The following CMIP variants were observed in gnomAD, a reference collection of about 807,000 sequenced individuals.
The protein encoded by CMIP is c-Maf inducing protein, also known as C-Maf-inducing protein.
A neutral mutation model predicts 97.3 loss-of-function variants in CMIP; 13 were observed. The observed-to-expected ratio is 0.13, with a 90% CI of 0.09 to 0.21. CMIP has a LOEUF of 0.21. CMIP is among the 10% of genes least tolerant of loss of function. The pLI is 1.00. For missense variants in CMIP, 847 were observed against 1,024.9 expected, an observed-to-expected ratio of 0.83 and a Z score of 2.37; for synonymous variants, 538 against 436.3, an observed-to-expected ratio of 1.23 and a Z score of -2.91.
At chr16:81,706,970 T>G in intron 19 of CMIP, 44 bp from the exon 20 acceptor site, 1 of 1,571,158 alleles carries the variant, frequency 6.4e-7, no homozygotes, top group Non-Finnish European at 8.8e-7. Context: ...CTTCATACCT[T>G]TGGGGCCTCG....
chr16:81,581,626 C>T (rs1373372022), intron 1 of CMIP, among the ~76,000 whole-genome samples: 1 of 152,162 alleles, frequency 6.6e-6, no homozygotes. Flanking sequence ...GTTTTCAGTT[C>T]TTTGGGGTAT....
chr16:81,557,340 G>GAATTTACTGATGTTGGTTC (rs1567577734), intron 1 of CMIP, among the ~76,000 whole-genome samples: 3 of 147,878 alleles, frequency 2.0e-5, no homozygotes, highest in African/African-American at 7.3e-5. Context: ...GATGTTGGTT[G>GAATTTACTGATGTTGGTTC]AATTTACTGA....
At chr16:81,448,112 G>A (rs1184220623) in intron 1 of CMIP, among the ~76,000 whole-genome samples, 1 of 152,220 alleles carries the variant, frequency 6.6e-6, no homozygotes, top group African/African-American at 2.4e-5. Context: ...CGCAGCAGCC[G>A]CTGGCCCAGC....
intron 1 of CMIP, among the ~76,000 whole-genome samples, chr16:81,514,860 A>G (rs2089882312): frequency 1.3e-5 from 2 of 152,186 alleles, no homozygotes; most frequent in South Asian, 4.1e-4. Flanking sequence ...AGTGTGCGCC[A>G]TGGTGGCTCT....
At chr16:81,701,948 G>A in intron 16 of CMIP, 148 bp downstream of exon 16, 1 of 940,344 alleles carries the variant, frequency 1.1e-6, no homozygotes, top group South Asian at 1.5e-5. Flanking sequence ...ATTACCACCT[G>A]CCACTTTTCA....
At chr16:81,667,915 C>G (rs1415908244) in intron 7 of CMIP, among the ~76,000 whole-genome samples, 2 of 151,058 alleles carry the variant, frequency 1.3e-5, no homozygotes, top group African/African-American at 4.9e-5. Flanking sequence ...TGTAGCAGGA[C>G]AGTCCTAGCA....
chr16:81,650,344 A>G (rs1048949502), intron 3 of CMIP, among the ~76,000 whole-genome samples: 1 of 152,176 alleles, frequency 6.6e-6, no homozygotes, highest in Non-Finnish European at 1.5e-5. Context: ...CAATGGGTGA[A>G]TGGGCAAAGA....
At chr16:81,495,332 G>A in intron 1 of CMIP, 1 of 1,466,622 alleles carries the variant, frequency 6.8e-7, no homozygotes, top group Admixed American at 2.4e-5. Context: ...TGATAAGCAG[G>A]AGCCAGGCGA....
chr16:81,449,062 G>A (rs2150727073), intron 1 of CMIP, among the ~76,000 whole-genome samples: 1 of 152,374 alleles, frequency 6.6e-6, no homozygotes, highest in East Asian at 1.9e-4. Flanking sequence ...TGCTAGGCAT[G>A]TTTGTCCGTG....
At chr16:81,683,517 G>T (rs1391685378) in intron 10 of CMIP, among the ~76,000 whole-genome samples, 1 of 152,014 alleles carries the variant, frequency 6.6e-6, no homozygotes, top group African/African-American at 2.4e-5. Context: ...AGCCTCCCCA[G>T]TAGCTAGGAT....
At chr16:81,545,878 C>A (rs2090537310) in intron 1 of CMIP, among the ~76,000 whole-genome samples, 1 of 152,136 alleles carries the variant, frequency 6.6e-6, no homozygotes, top group South Asian at 2.1e-4. Flanking sequence ...ACGGGATTCC[C>A]ACATGCCTGT....
chr16:81,491,955 A>G (rs2089413533), intron 1 of CMIP, among the ~76,000 whole-genome samples: 1 of 152,202 alleles, frequency 6.6e-6, no homozygotes, highest in South Asian at 2.1e-4. Context: ...CCACGTGGTC[A>G]TCTTTTGTGT....
intron 1 of CMIP, among the ~76,000 whole-genome samples, chr16:81,606,004 T>C (rs1034690597): frequency 6.6e-6 from 1 of 152,234 alleles, no homozygotes; most frequent in African/African-American, 2.4e-5. Context: ...CAACCCTCTC[T>C]ACCTCCACCC....
At chr16:81,465,329 T>G (rs768733231) in intron 1 of CMIP, among the ~76,000 whole-genome samples, 1 of 152,188 alleles carries the variant, frequency 6.6e-6, no homozygotes. Flanking sequence ...TAGAAACATA[T>G]ATAAACCAGG....
intron 1 of CMIP, among the ~76,000 whole-genome samples, chr16:81,511,909 A>G (rs1417429017): frequency 2.0e-5 from 3 of 152,240 alleles, no homozygotes; most frequent in Non-Finnish European, 4.4e-5. Context: ...GCCACCAGCC[A>G]CACATGGTCG....
At chr16:81,640,737 C>CGTGT (rs1567627570) in intron 3 of CMIP, among the ~76,000 whole-genome samples, 32 of 76,036 alleles carry the variant, frequency 4.2e-4, no homozygotes, top group East Asian at 1.2e-3. Flanking sequence ...CTCTCTGGAG[C>CGTGT]ATGTGTGTGT....
intron 1 of CMIP, among the ~76,000 whole-genome samples, chr16:81,552,520 A>G (rs557619808): frequency 6.6e-6 from 1 of 152,228 alleles, no homozygotes; most frequent in East Asian, 1.9e-4. Context: ...GGCCACCTGC[A>G]TTCCTTGGCT....
At chr16:81,648,621 A>G (rs2092392271) in intron 3 of CMIP, among the ~76,000 whole-genome samples, 1 of 151,804 alleles carries the variant, frequency 6.6e-6, no homozygotes, top group Non-Finnish European at 1.5e-5. Context: ...CATCTCTACT[A>G]AAAATACAAA....
Position 81,710,795 on chromosome 16 carries a change from C to G in CMIP, c.*996C>G, listed in dbSNP as rs923471065. 7 of 152,232 alleles carry G rather than the reference C, an allele frequency of 4.6e-5. No individual in the cohort carries two copies. Among genetic ancestry groups the G allele is most frequent in the Non-Finnish European group, 1.0e-4 (7 of 68,048 alleles). 9.4% of individuals were successfully genotyped at this position (152,232 alleles called of 1,614,324 possible). A position where few individuals can be genotyped will look rare whatever the true frequency, so the allele number is the denominator to read the frequency against. On this transcript the variant is annotated 3_prime_UTR_variant, in exon 21 of 21. Coordinates refer to ENST00000537098, the MANE Select transcript of CMIP (RefSeq NM_198390.3). ...AGACTTGAATGGGAGGCTGCTAACC[C>G]GCCCTCTCCAGTCCACCCCGGTAAA...
Sources: gnomAD v4.1 joint callset for allele counts (sites outside exome capture counted in the v4.1 genomes callset) on GRCh38, gnomAD v4.1.1 for gene constraint, MANE v1.5 for transcripts, NCBI Gene and HGNC (gene_info 2026-07-23, HGNC 2026-07-21) for gene names.